The following MAGI1 variants were observed in gnomAD, a reference collection of about 807,000 sequenced individuals.
MAGI1 encodes membrane associated guanylate kinase, WW and PDZ domain containing 1, also known as membrane-associated guanylate kinase, WW and PDZ domain-containing protein 1.
MAGI1 carries 58 observed loss-of-function variants against 139.9 expected under a neutral mutation model. That is an observed-to-expected ratio of 0.41 (90% CI 0.34 to 0.52). MAGI1 has a LOEUF of 0.52. Among genes scored for constraint, MAGI1 ranks in the 20% least tolerant of loss-of-function variants. The pLI, the probability that MAGI1 is intolerant of heterozygous loss-of-function variation, is 0.12. For synonymous variants in MAGI1, 812 were observed against 737.9 expected, an observed-to-expected ratio of 1.10 and a Z score of -1.63; for missense variants, 1,874 against 1,901.6, an observed-to-expected ratio of 0.99 and a Z score of 0.27.
At chr3:65,939,726 G>A (rs2063222361) in intron 1 of MAGI1, among the ~76,000 whole-genome samples, 1 of 152,130 alleles carries the variant, frequency 6.6e-6, no homozygotes, top group Middle Eastern at 3.2e-3. Context: ...AAGGGAAATC[G>A]ATTTGGGGAA....
intron 22 of MAGI1, 69 bp from the exon 23 acceptor site, chr3:65,357,201 C>T (rs1344108249): frequency 6.7e-7 from 1 of 1,495,978 alleles, no homozygotes; most frequent in Non-Finnish European, 9.0e-7. Context: ...CCGTTCCCAC[C>T]CACACTCGAG....
intron 1 of MAGI1, among the ~76,000 whole-genome samples, chr3:65,744,628 G>T (rs1481399361): frequency 2.6e-5 from 4 of 151,964 alleles, no homozygotes; most frequent in African/African-American, 9.7e-5. Context: ...AGAAGATATA[G>T]ACTATATTAT....
intron 1 of MAGI1, among the ~76,000 whole-genome samples, chr3:65,984,310 T>C (rs1245519260): frequency 1.3e-5 from 2 of 151,934 alleles, no homozygotes; most frequent in Admixed American, 6.6e-5. Context: ...ATATAAATAG[T>C]GTGTTGGGTA....
chr3:65,910,350 C>T (rs2061605142), intron 1 of MAGI1, among the ~76,000 whole-genome samples: 1 of 152,080 alleles, frequency 6.6e-6, no homozygotes, highest in African/African-American at 2.4e-5. Flanking sequence ...ACAATGAAAA[C>T]ACATTTAAAA....
chr3:65,477,412 A>G (rs1554663), intron 4 of MAGI1, among the ~76,000 whole-genome samples: 149,434 of 152,264 alleles, frequency 0.98, 73,394 homozygotes, highest in East Asian at 1. Flanking sequence ...ACCAAAGTAT[A>G]ATAATGTGAG....
intron 1 of MAGI1, among the ~76,000 whole-genome samples, chr3:65,849,001 C>CTTTTTTTTTTTTTTTTTTTTTT (rs558270441): frequency 2.5e-5 from 1 of 39,644 alleles, no homozygotes; most frequent in Non-Finnish European, 4.6e-5. Flanking sequence ...TCAGAGCATT[C>CTTTTTTTTTTTTTTTTTTTTTT]TTTTTTTTTT....
At chr3:65,734,768 T>C (rs1401671164) in intron 1 of MAGI1, among the ~76,000 whole-genome samples, 2 of 151,726 alleles carry the variant, frequency 1.3e-5, no homozygotes, top group Non-Finnish European at 2.9e-5. Context: ...AATGTGTGTA[T>C]GGATTTATTA....
chr3:66,019,192 G>C (rs2067833251), intron 1 of MAGI1, among the ~76,000 whole-genome samples: 1 of 152,198 alleles, frequency 6.6e-6, no homozygotes, highest in Non-Finnish European at 1.5e-5. Context: ...AAAATAAAGT[G>C]AGCTCAGGAG....
intron 2 of MAGI1, among the ~76,000 whole-genome samples, chr3:65,584,851 T>C (rs560559878): frequency 6.6e-6 from 1 of 152,222 alleles, no homozygotes; most frequent in Non-Finnish European, 1.5e-5. Context: ...CCAGTTCATT[T>C]AAATCTTTCT....
At chr3:65,914,450 A>G (rs1328988598) in intron 1 of MAGI1, among the ~76,000 whole-genome samples, 2 of 152,210 alleles carry the variant, frequency 1.3e-5, no homozygotes, top group Non-Finnish European at 2.9e-5. Context: ...AGTGAAGCAG[A>G]CAATGTCTGA....
At chr3:65,977,140 C>G (rs2107232811) in intron 1 of MAGI1, among the ~76,000 whole-genome samples, 1 of 152,284 alleles carries the variant, frequency 6.6e-6, no homozygotes, top group Non-Finnish European at 1.5e-5. Flanking sequence ...TTCTTTCCAT[C>G]TAACTTGTGC....
intron 2 of MAGI1, among the ~76,000 whole-genome samples, chr3:65,615,349 G>GA (rs1559722836): frequency 6.6e-6 from 1 of 152,172 alleles, no homozygotes; most frequent in African/African-American, 2.4e-5. Flanking sequence ...GATGGACAGT[G>GA]AATGCACGCT....
intron 1 of MAGI1, among the ~76,000 whole-genome samples, chr3:65,628,027 G>A (rs2107126678): frequency 6.6e-6 from 1 of 152,184 alleles, no homozygotes; most frequent in Non-Finnish European, 1.5e-5. Context: ...AAACAATGCT[G>A]CTATAAATGT....
At chr3:65,514,431 G>C (rs1313733409) in intron 2 of MAGI1, among the ~76,000 whole-genome samples, 5 of 137,908 alleles carry the variant, frequency 3.6e-5, no homozygotes, top group East Asian at 4.2e-4. Context: ...CTAATATCCA[G>C]AATCTACAAT....
At chr3:65,891,213 C>CAAAAAAAAAAA (rs1224604230) in intron 1 of MAGI1, among the ~76,000 whole-genome samples, 1 of 113,616 alleles carries the variant, frequency 8.8e-6, no homozygotes, top group Admixed American at 8.2e-5. Flanking sequence ...GAAAAACACA[C>CAAAAAAAAAAA]ACAAAAAAAA....
intron 2 of MAGI1, among the ~76,000 whole-genome samples, chr3:65,606,634 A>T (rs6445488): frequency 6.6e-6 from 1 of 151,968 alleles, no homozygotes; most frequent in Non-Finnish European, 1.5e-5. Context: ...TCTCCTGCTT[A>T]GGCCTCCTGA....
At chr3:65,922,185 A>T (rs1442923213) in intron 1 of MAGI1, among the ~76,000 whole-genome samples, 3 of 152,124 alleles carry the variant, frequency 2.0e-5, no homozygotes, top group South Asian at 2.1e-4. Context: ...AAGGTCACAC[A>T]CAAAAATACA....
At chr3:65,501,453 C>CAAA (rs35967662) in intron 2 of MAGI1, among the ~76,000 whole-genome samples, 23,454 of 79,892 alleles carry the variant, frequency 0.29, 4,312 homozygotes, top group East Asian at 0.66. Context: ...GACTCTGTCT[C>CAAA]AAAAAAAAAA....
At chr3:65,832,946 C>G (rs541291111) in intron 1 of MAGI1, among the ~76,000 whole-genome samples, 1 of 152,308 alleles carries the variant, frequency 6.6e-6, no homozygotes, top group Admixed American at 6.5e-5. Flanking sequence ...AATATGCATT[C>G]TTACTACATT....
Sources: allele counts gnomAD v4.1 joint callset (sites outside exome capture counted in the v4.1 genomes callset), GRCh38; gene constraint gnomAD v4.1.1; transcripts MANE v1.5; gene names NCBI Gene and HGNC (gene_info 2026-07-23, HGNC 2026-07-21).